The following PPFIA2 variants were observed in gnomAD, a reference collection of about 807,000 sequenced individuals.
PPFIA2 encodes the protein PPFI scaffold protein A2.
Under a neutral mutation model 175.5 loss-of-function variants are expected in PPFIA2, and 46 were observed. That is an observed-to-expected ratio of 0.26 (90% CI 0.21 to 0.34). The LOEUF (loss-of-function observed/expected upper bound fraction) is 0.34, where lower values mean the gene tolerates loss of function less well. Ranked by LOEUF, PPFIA2 falls within the 10% of genes least tolerant of loss-of-function variation. The probability of loss-of-function intolerance (pLI) is 1.00; values close to 1 mark genes in which losing one functional copy is unlikely to be tolerated. For synonymous variants in PPFIA2, 568 were observed against 511.4 expected (o/e 1.11, Z -1.49); for missense variants, 1,179 against 1,506.1 (o/e 0.78, Z 3.60).
intron 4 of PPFIA2, among the ~76,000 whole-genome samples, chr12:81,672,562 T>C (rs1193109297): frequency 1.3e-5 from 2 of 151,950 alleles, no homozygotes; most frequent in African/African-American, 4.8e-5. Context: ...ATTAGATGGG[T>C]AATCACTTAT....
intron 7 of PPFIA2, among the ~76,000 whole-genome samples, chr12:81,436,466 T>C (rs560779288): frequency 2.0e-5 from 3 of 152,000 alleles, no homozygotes; most frequent in Non-Finnish European, 4.4e-5. Flanking sequence ...GCTCTTTTTT[T>C]AAAAACTATC....
At chr12:81,672,324 T>C (rs1396170019) in intron 4 of PPFIA2, among the ~76,000 whole-genome samples, 3 of 151,986 alleles carry the variant, frequency 2.0e-5, no homozygotes. Context: ...TTTTAAACTC[T>C]AAGACCATTT....
At chr12:81,375,328 G>C (rs949432873) in intron 10 of PPFIA2, among the ~76,000 whole-genome samples, 4 of 152,096 alleles carry the variant, frequency 2.6e-5, no homozygotes, top group African/African-American at 7.2e-5. Flanking sequence ...ACAAGAGCAG[G>C]CAACCAACCA....
At chr12:81,711,913 A>G (rs1031847029) in intron 3 of PPFIA2, among the ~76,000 whole-genome samples, 3 of 150,774 alleles carry the variant, frequency 2.0e-5, no homozygotes, top group Admixed American at 6.8e-5. Flanking sequence ...TCAAATAACC[A>G]TTTCTTATAC....
intron 4 of PPFIA2, among the ~76,000 whole-genome samples, chr12:81,596,603 C>T (rs1169224143): frequency 1.3e-5 from 2 of 151,898 alleles, no homozygotes; most frequent in Non-Finnish European, 2.9e-5. Flanking sequence ...CTGTCATGAC[C>T]GAGCATATGG....
At position 81,485,706 on chromosome 12, in the gene PPFIA2, A is replaced by G. The variant is rs1231969004; in HGVS notation, c.304-27840T>C. Among the ~76,000 whole-genome samples, 3 of 152,108 alleles carry G rather than the reference A, an allele frequency of 2.0e-5. No individual in the cohort carries two copies. In the East Asian group the frequency reaches 5.8e-4, roughly 29 times the overall value. On this transcript the variant is annotated intron_variant, in intron 4 of 32. Coordinates refer to ENST00000549396, the MANE Select transcript of PPFIA2 (RefSeq NM_003625.5). ...TGTATAACACAAGTCACAAAATAGT[A>G]AACAAATCACTTAAAATATAAGTTT...
intron 4 of PPFIA2, among the ~76,000 whole-genome samples, chr12:81,599,850 C>T (rs575971514): frequency 1.1e-3 from 169 of 151,980 alleles, no homozygotes; most frequent in African/African-American, 3.5e-3. Context: ...CATAGAATAT[C>T]CCCTAATCCC....
At chr12:81,649,037 C>T (rs765429766) in intron 4 of PPFIA2, among the ~76,000 whole-genome samples, 1 of 151,448 alleles carries the variant, frequency 6.6e-6, no homozygotes, top group African/African-American at 2.4e-5. Flanking sequence ...AAAAGCAGGA[C>T]AAAATCTTTG....
chr12:81,261,848 A>T, intron 32 of PPFIA2, 101 bp downstream of exon 32: 1 of 715,150 alleles, frequency 1.4e-6, no homozygotes, highest in Non-Finnish European at 2.3e-6. Context: ...TCATTTCTGT[A>T]CTGCTAGGGC....
chr12:81,488,575 T>C (rs900495486), intron 4 of PPFIA2, among the ~76,000 whole-genome samples: 2 of 151,870 alleles, frequency 1.3e-5, no homozygotes, highest in African/African-American at 4.8e-5. Context: ...TACAGCCTAC[T>C]CTTAAGACAC....
intron 4 of PPFIA2, among the ~76,000 whole-genome samples, chr12:81,556,934 A>C (rs1426474231): frequency 6.6e-6 from 1 of 151,976 alleles, no homozygotes; most frequent in African/African-American, 2.4e-5. Context: ...ATTTCAATAA[A>C]AATTCAATAT....
intron 1 of PPFIA2, 72 bp from the exon 2 acceptor site, chr12:81,758,579 C>G (rs1416717512): frequency 8.2e-6 from 3 of 364,134 alleles, no homozygotes; most frequent in African/African-American, 4.2e-5. Flanking sequence ...TGCCCCGGCC[C>G]GGTGGCGTGG....
chr12:81,519,494 C>T (rs1475691121), intron 4 of PPFIA2, among the ~76,000 whole-genome samples: 6 of 152,270 alleles, frequency 3.9e-5, no homozygotes, highest in African/African-American at 1.4e-4. Context: ...TATAGAGAGA[C>T]CCACATTACA....
At chr12:81,314,017 C>G (rs1234928677) in intron 22 of PPFIA2, among the ~76,000 whole-genome samples, 1 of 151,838 alleles carries the variant, frequency 6.6e-6, no homozygotes, top group Non-Finnish European at 1.5e-5. Context: ...TTTTTGTTAT[C>G]AATTCGTATA....
intron 8 of PPFIA2, among the ~76,000 whole-genome samples, chr12:81,398,958 G>T (rs899145185): frequency 6.6e-6 from 1 of 151,872 alleles, no homozygotes; most frequent in African/African-American, 2.4e-5. Context: ...TCATTTGTTG[G>T]GTGAGTGGGT....
chr12:81,620,605 T>G (rs2061949355), intron 4 of PPFIA2, among the ~76,000 whole-genome samples: 1 of 152,180 alleles, frequency 6.6e-6, no homozygotes, highest in Non-Finnish European at 1.5e-5. Flanking sequence ...AAACTGATGA[T>G]GTAATATCTT....
At chr12:81,300,924 C>T (rs905086368) in intron 22 of PPFIA2, among the ~76,000 whole-genome samples, 1 of 152,120 alleles carries the variant, frequency 6.6e-6, no homozygotes, top group Non-Finnish European at 1.5e-5. Context: ...GGTCTAATTT[C>T]CCAGGATATC....
intron 4 of PPFIA2, among the ~76,000 whole-genome samples, chr12:81,503,938 C>G (rs1465598597): frequency 6.6e-6 from 1 of 151,538 alleles, no homozygotes; most frequent in African/African-American, 2.4e-5. Flanking sequence ...TGTATTTGAG[C>G]AAATACAATT....
intron 4 of PPFIA2, among the ~76,000 whole-genome samples, chr12:81,656,976 T>TTATTA (rs1313273585): frequency 6.6e-6 from 1 of 152,156 alleles, no homozygotes; most frequent in Non-Finnish European, 1.5e-5. Context: ...CAACTTTAAT[T>TTATTA]TATTATGAAT....
Sources: allele counts gnomAD v4.1 joint callset (sites outside exome capture counted in the v4.1 genomes callset), GRCh38; gene constraint gnomAD v4.1.1; transcripts MANE v1.5; gene names NCBI Gene and HGNC (gene_info 2026-07-23, HGNC 2026-07-21).